Variants in MIGA1 observed in about 807,000 individuals in gnomAD.
MIGA1 encodes the protein family with sequence similarity 73, member A.
In MIGA1, 58 loss-of-function variants were observed where a neutral mutation model predicts 82.0. The ratio of observed to expected loss-of-function variants is 0.71; its 90% CI spans 0.57 to 0.88. MIGA1 has a LOEUF of 0.88. Among genes scored for constraint, MIGA1 ranks in the 40% least tolerant of loss-of-function variants. The pLI, the probability that MIGA1 is intolerant of heterozygous loss-of-function variation, is 0.00. For missense variants in MIGA1, 751 were observed against 749.1 expected (o/e 1.00, Z -0.03); for synonymous variants, 249 against 253.6 (o/e 0.98, Z 0.17).
At chr1:77,815,962 C>T (rs1382634250) in intron 7 of MIGA1, among the ~76,000 whole-genome samples, 1 of 151,880 alleles carries the variant, frequency 6.6e-6, no homozygotes, top group Non-Finnish European at 1.5e-5. Flanking sequence ...CTTTTTGAGG[C>T]AGAGTTTCAC....
intron 7 of MIGA1, among the ~76,000 whole-genome samples, chr1:77,831,200 C>A (rs936647008): frequency 1.3e-5 from 2 of 152,120 alleles, no homozygotes; most frequent in Non-Finnish European, 2.9e-5. Flanking sequence ...TAGTTATCTG[C>A]AGCTGTTTTT....
chr1:77,813,987 C>A, intron 6 of MIGA1, 120 bp downstream of exon 6: 1 of 936,844 alleles, frequency 1.1e-6, no homozygotes, highest in Non-Finnish European at 1.6e-6. Flanking sequence ...AACTCCTGGG[C>A]TCAAGCGATC....
intron 14 of MIGA1, chr1:77,868,259 C>T (rs990168274): frequency 6.6e-6 from 1 of 152,186 alleles, no homozygotes; most frequent in Admixed American, 6.5e-5. Context: ...CGGAGTCTCA[C>T]TCTGTCGCCC....
At chr1:77,833,896 T>C (rs1310595084) in intron 7 of MIGA1, among the ~76,000 whole-genome samples, 3 of 152,250 alleles carry the variant, frequency 2.0e-5, no homozygotes, top group Non-Finnish European at 2.9e-5. Context: ...ATGGTTCCCA[T>C]TCCCTTTCCT....
rs757049668 is a variant in MIGA1, at chr1:77,813,885, G to T, written c.771+18G>T. On this transcript the variant is annotated intron_variant, in intron 6 of 15. Coordinates refer to ENST00000370791, the MANE Select transcript of MIGA1 (RefSeq NM_198549.4). ...ATGTAGATGTAAGGGTGATTGATTTGAGTGGTCTTCATAATATTAGAAGAA... is the reference window on the plus strand; with the variant it reads ...ATGTAGATGTAAGGGTGATTGATTTTAGTGGTCTTCATAATATTAGAAGAA... 3 of 1,612,676 alleles carry T rather than the reference G, an allele frequency of 1.9e-6. No individual in the cohort carries two copies. Among genetic ancestry groups the T allele is most frequent in the South Asian group, 1.1e-5 (1 of 90,896 alleles).
At chr1:77,782,902 C>A in intron 1 of MIGA1, 3 of 973,066 alleles carry the variant, frequency 3.1e-6, no homozygotes, top group Non-Finnish European at 3.7e-6. Context: ...TTAAATTACT[C>A]CCTAAAAAGT....
rs1163581232 is a variant in MIGA1, at chr1:77,879,114, TTA to T, written c.*4052_*4053del. 2 of 166,366 alleles carry T rather than the reference TTA, an allele frequency of 1.2e-5. No homozygotes were observed. The highest frequency in any genetic ancestry group is 1.6e-4 in the East Asian group (1 of 6,160). 10.3% of individuals were successfully genotyped at this position (166,366 alleles called of 1,614,324 possible). On this transcript the variant is annotated 3_prime_UTR_variant, in exon 16 of 16. Transcript: ENST00000370791. ...ACTTTTCATAATCAGAAATTTTAAA[TTA>T]TGTTTATATAACCCATTTACTTTTA... is the stretch of plus-strand genomic sequence containing the variant.
chr1:77,859,819 G>A (rs1685397650), intron 10 of MIGA1: 1 of 453,528 alleles, frequency 2.2e-6, no homozygotes, highest in Non-Finnish European at 3.9e-6. Context: ...ATTTTGAACA[G>A]AATTTAAATT....
chr1:77,848,480 T>G (rs1215071910), intron 8 of MIGA1: 2 of 1,027,254 alleles, frequency 1.9e-6, no homozygotes, highest in East Asian at 2.4e-5. Context: ...CAGAAAGAAA[T>G]CTTCAGAAAG....
intron 8 of MIGA1, among the ~76,000 whole-genome samples, chr1:77,844,147 G>GATAGAT (rs1553223190): frequency 2.4e-5 from 3 of 126,782 alleles, no homozygotes; most frequent in Admixed American, 7.8e-5. Context: ...TAGATAGATA[G>GATAGAT]ATAGATAGAT....
intron 7 of MIGA1, among the ~76,000 whole-genome samples, chr1:77,817,925 A>G (rs1452571032): frequency 1.3e-5 from 2 of 150,686 alleles, no homozygotes; most frequent in African/African-American, 2.4e-5. Flanking sequence ...TTTTTCCCTT[A>G]AGAATCTGGT....
intron 8 of MIGA1, among the ~76,000 whole-genome samples, chr1:77,845,360 C>T (rs74092308): frequency 0.061 from 9,222 of 152,174 alleles, 719 homozygotes; most frequent in African/African-American, 0.18. Context: ...AGAAAAATTG[C>T]TATTCACTTT....
intron 8 of MIGA1, chr1:77,853,295 T>C (rs1685124116): frequency 6.6e-6 from 1 of 152,402 alleles, no homozygotes; most frequent in African/African-American, 2.4e-5. Flanking sequence ...GCTCTCTTCC[T>C]TTTTAATAAA....
intron 2 of MIGA1, among the ~76,000 whole-genome samples, chr1:77,799,145 A>G (rs1303642838): frequency 6.6e-6 from 1 of 152,052 alleles, no homozygotes. Context: ...TCAATGAGGG[A>G]TATTAACCTA....
chr1:77,865,691 A>G (rs1308492015), intron 13 of MIGA1, among the ~76,000 whole-genome samples: 1 of 152,084 alleles, frequency 6.6e-6, no homozygotes. Flanking sequence ...TTTTTCCCTT[A>G]AGGAACAGAA....
chr1:77,783,927 A>T (rs1352951014), intron 2 of MIGA1, among the ~76,000 whole-genome samples: 1 of 152,166 alleles, frequency 6.6e-6, no homozygotes, highest in Non-Finnish European at 1.5e-5. Flanking sequence ...TTTTTTTGTG[A>T]CTAGCTCACT....
intron 7 of MIGA1, among the ~76,000 whole-genome samples, chr1:77,833,402 G>A (rs760928737): frequency 6.6e-6 from 1 of 152,204 alleles, no homozygotes; most frequent in Non-Finnish European, 1.5e-5. Context: ...TATTATACAA[G>A]TTAAAGTAGG....
At chr1:77,871,724 A>C (rs540391786) in intron 14 of MIGA1, among the ~76,000 whole-genome samples, 1 of 152,368 alleles carries the variant, frequency 6.6e-6, no homozygotes, top group South Asian at 2.1e-4. Flanking sequence ...ACTTCACAGG[A>C]AGAGGCAATT....
At chr1:77,786,809 T>C (rs1682182095) in intron 2 of MIGA1, among the ~76,000 whole-genome samples, 1 of 152,232 alleles carries the variant, frequency 6.6e-6, no homozygotes, top group African/African-American at 2.4e-5. Context: ...TTTCCTCTCT[T>C]CTTCTGAGCC....
Sources: gnomAD v4.1 joint callset for allele counts (sites outside exome capture counted in the v4.1 genomes callset) on GRCh38, gnomAD v4.1.1 for gene constraint, MANE v1.5 for transcripts, NCBI Gene and HGNC (gene_info 2026-07-23, HGNC 2026-07-21) for gene names.